The following MTCL1 variants were observed in gnomAD, a reference collection of about 807,000 sequenced individuals.
MTCL1 encodes the protein microtubule crosslinking factor 1.
In MTCL1, 79 loss-of-function variants were observed where a neutral mutation model predicts 141.4. That is an observed-to-expected ratio of 0.56 (90% CI 0.47 to 0.67). MTCL1 has a LOEUF of 0.67. MTCL1 is among the 30% of genes least tolerant of loss of function. The pLI, the probability that MTCL1 is intolerant of heterozygous loss-of-function variation, is 0.00. For synonymous variants in MTCL1, 914 were observed against 875.8 expected, an observed-to-expected ratio of 1.04 and a Z score of -0.77; for missense variants, 2,177 against 2,113.9, an observed-to-expected ratio of 1.03 and a Z score of -0.59.
intron 12 of MTCL1, among the ~76,000 whole-genome samples, chr18:8,816,447 A>G (rs1477961220): frequency 1.3e-5 from 2 of 152,214 alleles, no homozygotes; most frequent in Non-Finnish European, 2.9e-5. Flanking sequence ...GAATGTGGCT[A>G]AGGTCATATA....
At chr18:8,755,558 G>A (rs2096393088) in intron 4 of MTCL1, among the ~76,000 whole-genome samples, 1 of 152,122 alleles carries the variant, frequency 6.6e-6, no homozygotes, top group East Asian at 1.9e-4. Flanking sequence ...GTCTGTCCCA[G>A]AAAACCTTCC....
At chr18:8,774,270 G>T (rs922572417) in intron 4 of MTCL1, among the ~76,000 whole-genome samples, 1 of 151,992 alleles carries the variant, frequency 6.6e-6, no homozygotes, top group Non-Finnish European at 1.5e-5. Context: ...GTGTGTGTGT[G>T]TGTGTATTTT....
chr18:8,758,528 T>G (rs2096414152), intron 4 of MTCL1, among the ~76,000 whole-genome samples: 1 of 152,216 alleles, frequency 6.6e-6, no homozygotes. Flanking sequence ...GATACAGTCT[T>G]TCAGGTTGAT....
rs528521834 is a variant in MTCL1 at position 8,731,011 on chromosome 18, C to T, written c.357+10515C>T. Among the ~76,000 whole-genome samples, 396 of 152,164 alleles carry T rather than the reference C, an allele frequency of 2.6e-3. 2 individuals carry two copies. The highest frequency in any genetic ancestry group is 9.1e-3 in the African/African-American group (377 of 41,516). ...TGTTTTCCCAGCACTTTGGGGAGGC[C>T]GAGGTGGGCGGATCACGAGGTCAGG... is the stretch of plus-strand genomic sequence containing the variant. On this transcript the variant is annotated intron_variant, in intron 4 of 16. Transcript: ENST00000359865.
chr18:8,800,443 A>T (rs912932241), intron 10 of MTCL1: 1 of 152,236 alleles, frequency 6.6e-6, no homozygotes, highest in Non-Finnish European at 1.5e-5. Context: ...CAGAGGTTTA[A>T]AAAAAACTGC....
At chr18:8,753,090 G>A (rs1201663379) in intron 4 of MTCL1, among the ~76,000 whole-genome samples, 1 of 152,242 alleles carries the variant, frequency 6.6e-6, no homozygotes, top group Non-Finnish European at 1.5e-5. Context: ...AGAGATGAGA[G>A]TAGAACAAAT....
intron 4 of MTCL1, among the ~76,000 whole-genome samples, chr18:8,756,533 G>A (rs1202672879): frequency 0.03 from 4,409 of 145,508 alleles, 288 homozygotes; most frequent in African/African-American, 0.12. Flanking sequence ...ATATGTGTGT[G>A]TATATATGTG....
At chr18:8,803,749 C>T (rs541024736) in intron 10 of MTCL1, among the ~76,000 whole-genome samples, 10 of 152,292 alleles carry the variant, frequency 6.6e-5, no homozygotes, top group African/African-American at 2.4e-4. Flanking sequence ...TTGAATAGAG[C>T]ACTGTTTTGA....
intron 4 of MTCL1, among the ~76,000 whole-genome samples, chr18:8,743,923 G>A (rs184340360): frequency 2.0e-3 from 312 of 152,336 alleles, no homozygotes; most frequent in Middle Eastern, 3.4e-3. Flanking sequence ...AGCTGGTGAG[G>A]TTGGAGTTCA....
exon 13 of MTCL1, chr18:8,818,976 A>C: frequency 6.2e-7 from 1 of 1,607,182 alleles, no homozygotes; most frequent in South Asian, 1.1e-5. Flanking sequence ...CAGAAAGAGA[A>C]CAGTCCCCGG....
chr18:8,710,103 G>A (rs1391608345), intron 1 of MTCL1, among the ~76,000 whole-genome samples: 4 of 152,212 alleles, frequency 2.6e-5, no homozygotes, highest in African/African-American at 9.6e-5. Flanking sequence ...GCTTCCCAAA[G>A]TGCTGGGATT....
At chr18:8,749,804 C>T (rs1007142569) in intron 4 of MTCL1, among the ~76,000 whole-genome samples, 10 of 152,090 alleles carry the variant, frequency 6.6e-5, no homozygotes, top group African/African-American at 2.4e-4. Context: ...TATGGGACTT[C>T]GGGCAGGTTG....
intron 4 of MTCL1, among the ~76,000 whole-genome samples, chr18:8,770,321 A>G (rs2096480039): frequency 6.6e-6 from 1 of 152,240 alleles, no homozygotes; most frequent in Non-Finnish European, 1.5e-5. Context: ...TGTCTTAGTC[A>G]GCTTGGGCTG....
intron 4 of MTCL1, among the ~76,000 whole-genome samples, chr18:8,755,446 G>T (rs572731966): frequency 7.2e-5 from 11 of 152,144 alleles, no homozygotes; most frequent in Non-Finnish European, 1.2e-4. Flanking sequence ...GTGTGTGAGT[G>T]TTACTCTTTA....
At chr18:8,739,138 G>A (rs2096288570) in intron 4 of MTCL1, among the ~76,000 whole-genome samples, 1 of 152,140 alleles carries the variant, frequency 6.6e-6, no homozygotes, top group African/African-American at 2.4e-5. Context: ...TCAGCTACTT[G>A]GGAGCCTGAG....
intron 4 of MTCL1, among the ~76,000 whole-genome samples, chr18:8,774,895 C>G (rs935019690): frequency 2.0e-5 from 3 of 152,072 alleles, no homozygotes; most frequent in Non-Finnish European, 2.9e-5. Flanking sequence ...CCTGCCTGTT[C>G]TGTGATTTGC....
At chr18:8,792,901 G>C in intron 7 of MTCL1, 97 bp from the exon 7 acceptor site, 1 of 1,518,434 alleles carries the variant, frequency 6.6e-7, no homozygotes, top group Non-Finnish European at 8.9e-7. Context: ...GTGTCGCTCC[G>C]TGTGCGTCCC....
chr18:8,788,817 A>C (rs573329986), intron 7 of MTCL1, among the ~76,000 whole-genome samples: 1 of 152,328 alleles, frequency 6.6e-6, no homozygotes, highest in South Asian at 2.1e-4. Flanking sequence ...ACATCAATGC[A>C]ACCACGCAAA....
chr18:8,829,266 C>A, intron 16 of MTCL1: 1 of 985,464 alleles, frequency 1.0e-6, no homozygotes, highest in Non-Finnish European at 1.2e-6. Context: ...TGAGTAGATA[C>A]TGGCCAGGAG....
Sources: gnomAD v4.1 joint callset for allele counts (sites outside exome capture counted in the v4.1 genomes callset) on GRCh38, gnomAD v4.1.1 for gene constraint, MANE v1.5 for transcripts, NCBI Gene and HGNC (gene_info 2026-07-23, HGNC 2026-07-21) for gene names.